Variants in TAS1R1 observed in about 807,000 individuals in gnomAD.
TAS1R1 encodes taste 1 receptor member 1.
Under a neutral mutation model 45.8 loss-of-function variants are expected in TAS1R1, and 31 were observed. That is an observed-to-expected ratio of 0.68 (90% CI 0.51 to 0.91). TAS1R1 has a LOEUF of 0.91. Ranked by LOEUF, TAS1R1 falls within the 40% of genes least tolerant of loss-of-function variation. TAS1R1 has a pLI of 0.00. For missense variants in TAS1R1, 1,051 were observed against 1,063.9 expected (o/e 0.99, Z 0.17); for synonymous variants, 437 against 448.4 (o/e 0.97, Z 0.32).
chr1:6,565,723 A>G (rs1002458432), intron 1 of TAS1R1, among the ~76,000 whole-genome samples: 2 of 152,138 alleles, frequency 1.3e-5, no homozygotes, highest in Non-Finnish European at 2.9e-5. Flanking sequence ...GGCAATTCAC[A>G]AGGGCGGTTT....
intron 1 of TAS1R1, among the ~76,000 whole-genome samples, chr1:6,560,114 T>C (rs1639756409): frequency 6.6e-6 from 1 of 151,034 alleles, no homozygotes; most frequent in Non-Finnish European, 1.5e-5. Flanking sequence ...CTGACCAACA[T>C]GGAGAAACCC....
At chr1:6,566,624 C>T (rs914237537) in intron 1 of TAS1R1, among the ~76,000 whole-genome samples, 4 of 152,226 alleles carry the variant, frequency 2.6e-5, no homozygotes, top group East Asian at 1.9e-4. Flanking sequence ...GAGATGGAGT[C>T]TCGCTCTGTT....
At chr1:6,557,008 C>CAAAA (rs35187481) in intron 1 of TAS1R1, among the ~76,000 whole-genome samples, 1 of 63,480 alleles carries the variant, frequency 1.6e-5, no homozygotes, top group Admixed American at 1.9e-4. Flanking sequence ...GGCTCCATCT[C>CAAAA]AAAAAAAAAA....
At position 6,577,528 on chromosome 1, in the gene TAS1R1, C is replaced by A. The variant is rs116516245; in HGVS notation, c.1594+458C>A. 7.5e-3 allele frequency among the ~76,000 whole-genome samples: 1,042 copies of A among 139,150 alleles called. 16 individuals carry two copies. The highest frequency in any genetic ancestry group is 0.041 in the East Asian group (185 of 4,550). The allele number at this position is 139,150 out of a possible 152,430, so 91.3% of individuals were successfully genotyped here. A position where few individuals can be genotyped will look rare whatever the true frequency, so the allele number is the denominator to read the frequency against. ...ACCACAAAGCGAGAATTCGTCCCCC[C>A]AAAAAAAGAAAGGAGGCCGGGCGCG... On this transcript the variant is annotated intron_variant, in intron 5 of 5. Transcript: ENST00000333172.
In TAS1R1 at chr1:6,561,696, C is replaced by T. The variant is rs1244666574; in HGVS notation, c.191+6132C>T. On this transcript the variant is annotated intron_variant, in intron 1 of 5. Coordinates refer to ENST00000333172, the MANE Select transcript of TAS1R1 (RefSeq NM_138697.4). ...CGCCACCGCACTCCAGCTTGGGCAA[C>T]AGAACGAGTTTCCGTCTCAAAAAAA... Among the ~76,000 whole-genome samples the T allele has an allele frequency of 2.8e-5, 4 of 141,816 alleles. 1 individual carries two copies. The highest frequency in any genetic ancestry group is 6.1e-5 in the Non-Finnish European group (4 of 66,028). The allele number at this position is 141,816 out of a possible 152,430, so 93.0% of individuals were successfully genotyped here. A position where few individuals can be genotyped will look rare whatever the true frequency, so the allele number is the denominator to read the frequency against.
At chr1:6,576,345 AG>A (rs1640171459) in intron 3 of TAS1R1, 69 bp from the exon 4 acceptor site, 4 of 1,490,664 alleles carry the variant, frequency 2.7e-6, no homozygotes, top group Non-Finnish European at 3.7e-6. Flanking sequence ...GGAAGGCCCC[AG>A]GCCCTTGCTT....
intron 1 of TAS1R1, among the ~76,000 whole-genome samples, chr1:6,569,142 G>A (rs1376803973): frequency 1.3e-4 from 20 of 151,234 alleles, no homozygotes; most frequent in Admixed American, 1.3e-3. Flanking sequence ...AACAGGAACG[G>A]GGACGTAAGG....
chr1:6,558,374 A>C (rs185192315), intron 1 of TAS1R1, among the ~76,000 whole-genome samples: 1 of 152,162 alleles, frequency 6.6e-6, no homozygotes, highest in East Asian at 1.9e-4. Flanking sequence ...TATAGTGCCT[A>C]GAGTTGTGTA....
At position 6,576,973 on chromosome 1, in the gene TAS1R1, C is replaced by A. The variant is rs756086033; in HGVS notation, c.1497C>A (p.Ser499Arg). The A allele has an allele frequency of 6.2e-7, 1 of 1,614,268 alleles. No homozygotes were observed. The highest frequency in any genetic ancestry group is 8.5e-7 in the Non-Finnish European group (1 of 1,180,044). The change falls in exon 5 of 6, where the codon AGC becomes AGA. Residue 499 changes from serine to arginine, a missense_variant. Coordinates refer to ENST00000333172, the MANE Select transcript of TAS1R1 (RefSeq NM_138697.4). ...AGGTGCCTAAGTCTGTGTGTTCCAG[C>A]GACTGTCTTGAAGGGCACCAGCGAG... The part of the protein sequence containing the change: ...DNQVPKSVCS[S>R]DCLEGHQRVV...
Position 6,570,986 on chromosome 1 carries a change from C to T in TAS1R1, c.269C>T (p.Thr90Met), listed in dbSNP as rs549161184. The T allele has an allele frequency of 1.5e-4, 250 of 1,614,072 alleles. No individual in the cohort carries two copies. The Middle Eastern group carries it at 1.6e-3, about 11-fold the overall frequency. The part of the protein sequence containing the change: ...RLGVEEINNS[T>M]ALLPNITLGY... Reference sequence around the variant, plus strand: ...GGGGTTGAGGAGATAAACAACTCCACGGCCCTGCTGCCCAACATCACCCTG... The same window carrying T: ...GGGGTTGAGGAGATAAACAACTCCATGGCCCTGCTGCCCAACATCACCCTG... Residue 90 changes from threonine to methionine, a missense_variant, in exon 2 of 6, where the codon ACG becomes ATG. Coordinates refer to ENST00000333172, the MANE Select transcript of TAS1R1 (RefSeq NM_138697.4).
At chr1:6,559,083 C>T (rs1216906525) in intron 1 of TAS1R1, among the ~76,000 whole-genome samples, 5 of 151,950 alleles carry the variant, frequency 3.3e-5, no homozygotes, top group Non-Finnish European at 7.4e-5. Flanking sequence ...TTAGCAGAGA[C>T]GGGGTTTCAC....
At chr1:6,563,556 A>G (rs1210453766) in intron 1 of TAS1R1, among the ~76,000 whole-genome samples, 1 of 152,112 alleles carries the variant, frequency 6.6e-6, no homozygotes, top group African/African-American at 2.4e-5. Context: ...CTTAGTAAGA[A>G]CTCAGTCTTT....
At chr1:6,555,715 TG>T (rs1639664937) in intron 1 of TAS1R1, 151 bp downstream of exon 1, 1 of 692,084 alleles carries the variant, frequency 1.4e-6, no homozygotes, top group Non-Finnish European at 2.4e-6. Context: ...ACCTAAGTGC[TG>T]GCTAGACCTT....
At chr1:6,564,583 C>A (rs1639843370) in intron 1 of TAS1R1, among the ~76,000 whole-genome samples, 1 of 152,098 alleles carries the variant, frequency 6.6e-6, no homozygotes, top group Admixed American at 6.6e-5. Flanking sequence ...TTTGCCCTTT[C>A]AACTTTTCCT....
rs776294969 is a variant in TAS1R1, at chr1:6,576,546, G to T, written c.1392G>T (p.Thr464=). 3 of 1,614,220 alleles carry T rather than the reference G, an allele frequency of 1.9e-6. No individual in the cohort carries two copies. Among genetic ancestry groups the T allele is most frequent in the Non-Finnish European group, 2.5e-6 (3 of 1,180,038 alleles). ...WDWNGPKWTF[T]VLGSSTWSPV... ...GGAATGGACCCAAGTGGACCTTCAC[G>T]GTCCTCGGTTCCTCCACATGGTCTC... Residue 464 remains threonine (T), a synonymous_variant, in exon 4 of 6, where the codon ACG becomes ACT. Coordinates refer to ENST00000333172, the MANE Select transcript of TAS1R1 (RefSeq NM_138697.4).
At chr1:6,559,924 A>G (rs1310003813) in intron 1 of TAS1R1, among the ~76,000 whole-genome samples, 1 of 144,216 alleles carries the variant, frequency 6.9e-6, no homozygotes, top group Non-Finnish European at 1.5e-5. Context: ...TGGTGGGTGG[A>G]GGTTGCAATG....
intron 2 of TAS1R1, among the ~76,000 whole-genome samples, chr1:6,573,945 G>A (rs1198622406): frequency 1.3e-5 from 2 of 152,132 alleles, no homozygotes; most frequent in Non-Finnish European, 2.9e-5. Context: ...TTACAGGTGT[G>A]AGCCACTGCA....
intron 1 of TAS1R1, among the ~76,000 whole-genome samples, chr1:6,566,743 C>T (rs1450115154): frequency 6.6e-6 from 1 of 152,192 alleles, no homozygotes; most frequent in Non-Finnish European, 1.5e-5. Flanking sequence ...CTACAGGTGC[C>T]CGCCACTGCG....
At chr1:6,560,752 G>T (rs556105011) in intron 1 of TAS1R1, among the ~76,000 whole-genome samples, 1 of 152,176 alleles carries the variant, frequency 6.6e-6, no homozygotes, top group Admixed American at 6.5e-5. Context: ...GGAGGCTGAG[G>T]TGGGCAGATC....
Sources: allele counts gnomAD v4.1 joint callset (sites outside exome capture counted in the v4.1 genomes callset), GRCh38; gene constraint gnomAD v4.1.1; transcripts MANE v1.5; gene names NCBI Gene and HGNC (gene_info 2026-07-23, HGNC 2026-07-21).